SEC24B: variants seen among roughly 807,000 people sequenced by gnomAD.
The protein encoded by SEC24B is SEC24 homolog B, COPII component.
Under a neutral mutation model 142.8 loss-of-function variants are expected in SEC24B, and 45 were observed. The observed-to-expected ratio is 0.32, with a 90% CI of 0.25 to 0.40. The LOEUF (loss-of-function observed/expected upper bound fraction) is 0.40, where lower values mean the gene tolerates loss of function less well. Among genes scored for constraint, SEC24B ranks in the 10% least tolerant of loss-of-function variants. The pLI, the probability that SEC24B is intolerant of heterozygous loss-of-function variation, is 1.00. For synonymous variants in SEC24B, 574 were observed against 568.2 expected, an observed-to-expected ratio of 1.01 and a Z score of -0.15; for missense variants, 1,409 against 1,526.8, an observed-to-expected ratio of 0.92 and a Z score of 1.29.
At chr4:109,455,668 G>T (rs1017881167) in intron 1 of SEC24B, among the ~76,000 whole-genome samples, 1 of 152,234 alleles carries the variant, frequency 6.6e-6, no homozygotes, top group East Asian at 1.9e-4. Flanking sequence ...TTCCTCAATT[G>T]CATTGCCTTG....
intron 3 of SEC24B, among the ~76,000 whole-genome samples, chr4:109,477,292 A>G (rs1733278106): frequency 6.6e-6 from 1 of 151,978 alleles, no homozygotes; most frequent in Admixed American, 6.6e-5. Flanking sequence ...CATGGCCAAT[A>G]TAGCTTACCA....
chr4:109,435,821 C>T (rs1034999008), intron 1 of SEC24B, among the ~76,000 whole-genome samples: 1 of 152,212 alleles, frequency 6.6e-6, no homozygotes, highest in Admixed American at 6.5e-5. Flanking sequence ...TCTCTCCTGA[C>T]TTGCCCTGTA....
chr4:109,451,719 A>G (rs1311632649), intron 1 of SEC24B, among the ~76,000 whole-genome samples: 1 of 152,164 alleles, frequency 6.6e-6, no homozygotes, highest in Non-Finnish European at 1.5e-5. Flanking sequence ...GGATATGCTT[A>G]TTACTACGGG....
chr4:109,450,107 G>A (rs1033331966), intron 1 of SEC24B, among the ~76,000 whole-genome samples: 1 of 152,080 alleles, frequency 6.6e-6, no homozygotes, highest in African/African-American at 2.4e-5. Flanking sequence ...CAGCTACTCT[G>A]GAGGCTGAGA....
rs74475387 is a variant in SEC24B, at chr4:109,538,342, A to G, written c.3589-151A>G. 4,989 of 564,814 alleles carry G rather than the reference A, an allele frequency of 8.8e-3. 70 individuals are homozygous for G. The highest frequency in any genetic ancestry group is 0.041 in the African/African-American group (2,158 of 53,220). 35.0% of individuals were successfully genotyped at this position (564,814 alleles called of 1,614,324 possible). On this transcript the variant is annotated intron_variant, in intron 22 of 23. Coordinates refer to ENST00000265175, the MANE Select transcript of SEC24B (RefSeq NM_006323.5). ...CAGAAAAATATAAACAGATTTTTCA[A>G]CAGTTTAAATTTTATTTGTGTAGTT...
At chr4:109,467,464 C>CA (rs2125944396) in intron 2 of SEC24B, among the ~76,000 whole-genome samples, 1 of 151,952 alleles carries the variant, frequency 6.6e-6, no homozygotes, top group Non-Finnish European at 1.5e-5. Context: ...TTAAAACTGT[C>CA]ACTGTAGTTG....
chr4:109,494,214 G>A (rs1201696420), intron 5 of SEC24B, among the ~76,000 whole-genome samples: 1 of 152,010 alleles, frequency 6.6e-6, no homozygotes, highest in Non-Finnish European at 1.5e-5. Flanking sequence ...CAGCACTTTG[G>A]TAGGCCGAGG....
intron 7 of SEC24B, among the ~76,000 whole-genome samples, chr4:109,507,198 T>C (rs1054922104): frequency 1.3e-5 from 2 of 152,134 alleles, no homozygotes; most frequent in Non-Finnish European, 2.9e-5. Flanking sequence ...TTTTTTTCTT[T>C]TTTTGGAAGA....
intron 4 of SEC24B, among the ~76,000 whole-genome samples, chr4:109,485,476 T>C (rs1324256777): frequency 6.6e-6 from 1 of 152,008 alleles, no homozygotes; most frequent in Non-Finnish European, 1.5e-5. Flanking sequence ...ATGACGGTAG[T>C]CACTACAGTG....
At chr4:109,530,895 CAAAAAAAAAAA>C (rs35997146) in intron 19 of SEC24B, among the ~76,000 whole-genome samples, 12 of 46,342 alleles carry the variant, frequency 2.6e-4, no homozygotes, top group Admixed American at 1.4e-3. Context: ...GACTCCGTCT[CAAAAAAAAAAA>C]AAAAAAAAAA....
At chr4:109,450,247 A>G (rs1399078496) in intron 1 of SEC24B, among the ~76,000 whole-genome samples, 2 of 151,996 alleles carry the variant, frequency 1.3e-5, no homozygotes, top group Non-Finnish European at 2.9e-5. Flanking sequence ...ATTAAACTCT[A>G]CCTGCTGCAG....
In SEC24B at chr4:109,527,358, C is replaced by T. The variant is rs1401598681; in HGVS notation, c.3002C>T (p.Pro1001Leu). ...ATTAGAGTACATACACTTTGTTTGC[C>T]AGTGGTAAGTTCACTAGCAGATGTA... ...RRIRVHTLCL[P>L]VVSSLADVYA... Residue 1001 changes from proline to leucine, a missense_variant, in exon 18 of 24, where the codon CCA (proline) becomes CTA (leucine). Pro to Leu is a moderately conservative substitution (Grantham distance 98). Coordinates refer to ENST00000265175, the MANE Select transcript of SEC24B (RefSeq NM_006323.5). 4.3e-6 allele frequency: 7 copies of T among 1,612,508 alleles called. No homozygotes were observed. Among genetic ancestry groups the T allele is most frequent in the Non-Finnish European group, 5.9e-6 (7 of 1,179,260 alleles).
At chr4:109,440,144 G>C (rs1237536667) in intron 1 of SEC24B, among the ~76,000 whole-genome samples, 1 of 151,360 alleles carries the variant, frequency 6.6e-6, no homozygotes, top group Non-Finnish European at 1.5e-5. Context: ...AGATCTTAAA[G>C]TATTCACTCC....
At chr4:109,461,471 A>G (rs981215610) in intron 1 of SEC24B, among the ~76,000 whole-genome samples, 2 of 152,222 alleles carry the variant, frequency 1.3e-5, no homozygotes, top group Admixed American at 6.5e-5. Context: ...GAATAATGTT[A>G]TATCTCTACA....
intron 1 of SEC24B, among the ~76,000 whole-genome samples, chr4:109,453,007 G>A (rs986788692): frequency 9.9e-5 from 15 of 152,164 alleles, no homozygotes; most frequent in African/African-American, 3.4e-4. Flanking sequence ...GAGTACAAAA[G>A]AGAGAAATTT....
intron 3 of SEC24B, among the ~76,000 whole-genome samples, chr4:109,479,869 C>T (rs1733549108): frequency 6.6e-6 from 1 of 151,878 alleles, no homozygotes; most frequent in Admixed American, 6.6e-5. Context: ...GGATTATAGA[C>T]ATGAGCAATT....
chr4:109,486,563 CAT>C (rs1345623867), intron 4 of SEC24B, among the ~76,000 whole-genome samples: 1 of 152,126 alleles, frequency 6.6e-6, no homozygotes, highest in African/African-American at 2.4e-5. Flanking sequence ...CAAGCTGTAA[CAT>C]AGAGCCAGTA....
chr4:109,459,735 A>G (rs1455170647), intron 1 of SEC24B, among the ~76,000 whole-genome samples: 1 of 152,190 alleles, frequency 6.6e-6, no homozygotes, highest in African/African-American at 2.4e-5. Flanking sequence ...TGACATTTGA[A>G]TAGTTGGGAC....
chr4:109,459,589 A>G (rs1731051845), intron 1 of SEC24B, among the ~76,000 whole-genome samples: 1 of 152,144 alleles, frequency 6.6e-6, no homozygotes, highest in Non-Finnish European at 1.5e-5. Context: ...GATATATTAG[A>G]TATTCCCACC....
Sources: gnomAD v4.1 joint callset for allele counts (sites outside exome capture counted in the v4.1 genomes callset) on GRCh38, gnomAD v4.1.1 for gene constraint, MANE v1.5 for transcripts, NCBI Gene and HGNC (gene_info 2026-07-23, HGNC 2026-07-21) for gene names.